Variants in ARMC2 observed in about 807,000 individuals in gnomAD.
The protein encoded by ARMC2 is armadillo repeat-containing protein 2.
A neutral mutation model predicts 90.3 loss-of-function variants in ARMC2; 67 were observed. That is an observed-to-expected ratio of 0.74 (90% confidence interval 0.61 to 0.91). The LOEUF (loss-of-function observed/expected upper bound fraction) is 0.91. ARMC2 is among the 40% of genes least tolerant of loss of function. The pLI is 0.00. For synonymous variants in ARMC2, 393 were observed against 393.0 expected (o/e 1.00, Z 0.00); for missense variants, 920 against 1,030.9 (o/e 0.89, Z 1.47).
At chr6:108,898,175 G>GC (rs1771779758) in intron 6 of ARMC2, among the ~76,000 whole-genome samples, 1 of 152,090 alleles carries the variant, frequency 6.6e-6, no homozygotes, top group African/African-American at 2.4e-5. Context: ...CTATTGATAG[G>GC]CCCCCTGCTC....
intron 11 of ARMC2, among the ~76,000 whole-genome samples, chr6:108,931,388 G>A (rs754239013): frequency 2.0e-5 from 3 of 151,862 alleles, no homozygotes; most frequent in African/African-American, 7.3e-5. Flanking sequence ...GAACATTAGC[G>A]TGCATGTATC....
chr6:108,943,443 G>T (rs528352945), intron 12 of ARMC2, among the ~76,000 whole-genome samples: 4 of 152,094 alleles, frequency 2.6e-5, no homozygotes, highest in Non-Finnish European at 5.9e-5. Flanking sequence ...TATTCAAGTG[G>T]TGAGATTTCT....
At chr6:108,853,903 T>C (rs2128414173) in intron 1 of ARMC2, among the ~76,000 whole-genome samples, 1 of 152,236 alleles carries the variant, frequency 6.6e-6, no homozygotes, top group East Asian at 1.9e-4. Context: ...AACAGAACCC[T>C]CAGTGTTTTT....
chr6:108,947,534 C>T lies in ARMC2; in HGVS notation c.1597-5499C>T, dbSNP rs189114796. Among the ~76,000 whole-genome samples the T allele has an allele frequency of 2.0e-5, 3 of 152,320 alleles. No homozygotes were observed. The East Asian group carries it at 5.8e-4, about 29-fold the overall frequency. On this transcript the variant is annotated intron_variant, in intron 12 of 17. Coordinates refer to ENST00000392644, the MANE Select transcript of ARMC2 (RefSeq NM_032131.6). ...CCATTGGAACTGGACATAGACCATC[C>T]TGGTGAGCAGTGCCCTGTTCCTGGT...
intron 5 of ARMC2, among the ~76,000 whole-genome samples, chr6:108,892,847 G>A (rs967629403): frequency 6.6e-6 from 1 of 152,016 alleles, no homozygotes; most frequent in Non-Finnish European, 1.5e-5. Context: ...CGGTAGGAAA[G>A]GCCAAGGGCT....
rs1270905095 is a variant in ARMC2 at position 108,876,128 on chromosome 6, T to G, written c.464-15T>G. ...AAGAATACTTCAACAAAATATTTTC[T>G]TGGTTATATTGCAGCAAAGAAGACA... On this transcript the variant is annotated splice_polypyrimidine_tract_variant and intron_variant, in intron 4 of 17. Coordinates refer to ENST00000392644, the MANE Select transcript of ARMC2 (RefSeq NM_032131.6). 6.3e-7 allele frequency: 1 copy of G among 1,577,092 alleles called. No homozygotes were observed. Among genetic ancestry groups the G allele is most frequent in the Non-Finnish European group, 8.6e-7 (1 of 1,158,988 alleles).
At chr6:109,000,682 A>G in the ARMC2 span, 11 of 1,537,604 alleles carry the variant, frequency 7.2e-6, no homozygotes, top group African/African-American at 9.7e-5. Context: ...GCCTTAAAAC[A>G]AAAAGATTAT....
intron 7 of ARMC2, among the ~76,000 whole-genome samples, chr6:108,900,590 A>T (rs1772033102): frequency 6.6e-6 from 1 of 151,880 alleles, no homozygotes; most frequent in South Asian, 2.1e-4. Context: ...GGGTAAATGA[A>T]CCCTCCCCAG....
rs773375735 is a variant in ARMC2 at position 108,928,088 on chromosome 6, G to A, written c.1351G>A (p.Val451Met). Residue 451 changes from valine (V) to methionine (M), a missense_variant and splice_region_variant, in exon 11 of 18, where the codon GTG (valine) becomes ATG (methionine). Val to Met is a conservative substitution (Grantham distance 21). Transcript: ENST00000392644. ...TGGCACAAGCATGCTTTTATCCTAG[G>A]TGACTGCTACATTGAGAAACTTGGT... The part of the protein sequence containing the change: ...LPNSGHLLVQ[V>M]TATLRNLVDS... 183 of 1,598,508 alleles carry A rather than the reference G, an allele frequency of 1.1e-4. No individual in the cohort carries two copies. The East Asian group carries it at 2.7e-3, about 24-fold the overall frequency.
intron 10 of ARMC2, among the ~76,000 whole-genome samples, chr6:108,919,535 G>T (rs1774336888): frequency 6.6e-6 from 1 of 151,954 alleles, no homozygotes; most frequent in Non-Finnish European, 1.5e-5. Context: ...TTGGAGATTT[G>T]ATAATTTAAA....
At chr6:108,885,077 G>A (rs1248598691) in intron 5 of ARMC2, among the ~76,000 whole-genome samples, 2 of 152,158 alleles carry the variant, frequency 1.3e-5, no homozygotes, top group African/African-American at 4.8e-5. Context: ...GTTAAGGGGA[G>A]TATGAAACCA....
At chr6:108,926,985 T>C (rs1775158470) in intron 10 of ARMC2, among the ~76,000 whole-genome samples, 1 of 152,100 alleles carries the variant, frequency 6.6e-6, no homozygotes, top group Admixed American at 6.5e-5. Context: ...AATGTATCTT[T>C]TTGTTGCTGT....
the ARMC2 span, among the ~76,000 whole-genome samples, chr6:108,986,046 CAATA>C: frequency 6.6e-6 from 1 of 151,896 alleles, no homozygotes; most frequent in African/African-American, 2.4e-5. Context: ...AGATTGAGCT[CAATA>C]AATGTTTTGA....
intron 3 of ARMC2, among the ~76,000 whole-genome samples, chr6:108,859,442 G>A (rs1289144033): frequency 1.3e-5 from 2 of 152,178 alleles, no homozygotes; most frequent in African/African-American, 4.8e-5. Flanking sequence ...TACATGGGAA[G>A]TAAATTATTT....
chr6:108,890,283 A>C (rs995771866), intron 5 of ARMC2, among the ~76,000 whole-genome samples: 2 of 149,558 alleles, frequency 1.3e-5, no homozygotes, highest in African/African-American at 2.5e-5. Flanking sequence ...GGGCAATGCC[A>C]TGCACATTCT....
At chr6:108,918,372 G>A (rs1398501967) in intron 10 of ARMC2, among the ~76,000 whole-genome samples, 1 of 152,208 alleles carries the variant, frequency 6.6e-6, no homozygotes, top group Non-Finnish European at 1.5e-5. Flanking sequence ...CGAGCGAGGG[G>A]TGTGAGGGGG....
chr6:109,011,766 C>A, the ARMC2 span, among the ~76,000 whole-genome samples: 1 of 151,792 alleles, frequency 6.6e-6, no homozygotes, highest in African/African-American at 2.4e-5. Flanking sequence ...GTAGCTGGCA[C>A]TACAGGCAGA....
At chr6:108,852,131 T>G (rs1473532264) in intron 1 of ARMC2, among the ~76,000 whole-genome samples, 1 of 152,204 alleles carries the variant, frequency 6.6e-6, no homozygotes, top group African/African-American at 2.4e-5. Context: ...TTTCAGGTCC[T>G]GAGTGATTAA....
At chr6:108,947,499 A>G (rs1011341372) in intron 12 of ARMC2, among the ~76,000 whole-genome samples, 11 of 152,170 alleles carry the variant, frequency 7.2e-5, no homozygotes, top group Non-Finnish European at 1.0e-4. Context: ...AGCTACTGCC[A>G]ATGCTGCCAC....
Sources: gnomAD v4.1 joint callset for allele counts (sites outside exome capture counted in the v4.1 genomes callset) on GRCh38, gnomAD v4.1.1 for gene constraint, MANE v1.5 for transcripts, NCBI Gene and HGNC (gene_info 2026-07-23, HGNC 2026-07-21) for gene names.